ANKRD13C: variants seen among roughly 807,000 people sequenced by gnomAD.
ANKRD13C encodes the protein ankyrin repeat domain 13C.
Under a neutral mutation model 65.5 loss-of-function variants are expected in ANKRD13C, and 16 were observed. The observed-to-expected ratio is 0.24, with a 90% confidence interval of 0.17 to 0.37. The LOEUF (loss-of-function observed/expected upper bound fraction) is 0.37, where lower values mean the gene tolerates loss of function less well. Ranked by LOEUF, ANKRD13C falls within the 10% of genes least tolerant of loss-of-function variation. ANKRD13C has a pLI of 1.00. For synonymous variants in ANKRD13C, 235 were observed against 238.7 expected, an observed-to-expected ratio of 0.98 and a Z score of 0.14; for missense variants, 503 against 655.9, an observed-to-expected ratio of 0.77 and a Z score of 2.55.
intron 9 of ANKRD13C, among the ~76,000 whole-genome samples, chr1:70,288,384 G>C (rs1375070176): frequency 6.6e-6 from 1 of 152,094 alleles, no homozygotes; most frequent in African/African-American, 2.4e-5. Context: ...CTGCACTCTT[G>C]GGCATTTATC....
chr1:70,270,501 C>G (rs965187656), intron 12 of ANKRD13C, among the ~76,000 whole-genome samples: 2 of 152,210 alleles, frequency 1.3e-5, no homozygotes, highest in African/African-American at 4.8e-5. Context: ...AATTTTTCCA[C>G]AGACTGGTGG....
intron 1 of ANKRD13C, among the ~76,000 whole-genome samples, chr1:70,353,726 G>C (rs777317365): frequency 7.2e-5 from 11 of 152,176 alleles, no homozygotes; most frequent in Non-Finnish European, 1.5e-4. Context: ...CAAATCGAAG[G>C]CCTGTCTCAA....
rs191761681 is a variant in ANKRD13C, at chr1:70,328,753, G to A, written c.473-3796C>T. ...GTATTTCTATATAATAATAAGCATAGAGAAATGTATGTAAGAATATCCAGC... is the reference window on the plus strand; with the variant it reads ...GTATTTCTATATAATAATAAGCATAAAGAAATGTATGTAAGAATATCCAGC... On this transcript the variant is annotated intron_variant, in intron 2 of 12. Transcript: ENST00000370944. Among the ~76,000 whole-genome samples, 3 of 152,314 alleles carry A rather than the reference G, an allele frequency of 2.0e-5. No homozygotes were observed. The East Asian group carries it at 5.8e-4, about 29-fold the overall frequency.
At chr1:70,339,432 C>T (rs1225698609) in intron 1 of ANKRD13C, among the ~76,000 whole-genome samples, 3 of 150,724 alleles carry the variant, frequency 2.0e-5, no homozygotes, top group African/African-American at 7.3e-5. Context: ...AATTCTCGTG[C>T]CTCAGCCTCC....
At chr1:70,295,311 C>T (rs1410371443) in intron 8 of ANKRD13C, among the ~76,000 whole-genome samples, 6 of 151,448 alleles carry the variant, frequency 4.0e-5, no homozygotes, top group Non-Finnish European at 7.4e-5. Context: ...GCAGTGGTGC[C>T]ATCTCGGCTC....
rs770708322 is a variant in ANKRD13C at position 70,262,688 on chromosome 1, T to A, written c.*29A>T. On this transcript the variant is annotated 3_prime_UTR_variant, in exon 13 of 13. Coordinates refer to ENST00000370944, the MANE Select transcript of ANKRD13C (RefSeq NM_030816.5). ...CTAGGGTCTCTGTATTTTCTTTCCTTGGTTAGACGGCATCCTTTTCCACGT... is the reference window on the plus strand; with the variant it reads ...CTAGGGTCTCTGTATTTTCTTTCCTAGGTTAGACGGCATCCTTTTCCACGT... 43 of 1,601,158 alleles carry A rather than the reference T, an allele frequency of 2.7e-5. No homozygotes were observed. The East Asian group carries it at 9.6e-4, about 36-fold the overall frequency.
At chr1:70,297,215 T>C (rs953746916) in intron 7 of ANKRD13C, among the ~76,000 whole-genome samples, 9 of 152,002 alleles carry the variant, frequency 5.9e-5, no homozygotes, top group African/African-American at 2.2e-4. Context: ...AACCTCCTTA[T>C]TTCTAGGTTC....
intron 6 of ANKRD13C, chr1:70,305,660 G>A (rs564797523): frequency 3.9e-5 from 6 of 152,250 alleles, no homozygotes; most frequent in Non-Finnish European, 8.8e-5. Flanking sequence ...AAGTTAAATA[G>A]ATGTATTTTC....
At position 70,313,914 on chromosome 1, in the gene ANKRD13C, A is replaced by C. The variant is rs1680960965; in HGVS notation, c.664-124T>G. The C allele has an allele frequency of 1.2e-5, 7 of 601,954 alleles. No homozygotes were observed. The South Asian group carries it at 1.9e-4, about 16-fold the overall frequency. 37.3% of individuals were successfully genotyped at this position (601,954 alleles called of 1,614,324 possible). A position where few individuals can be genotyped will look rare whatever the true frequency, so the allele number is the denominator to read the frequency against. ...TTACTATACTTAATTACAAAGGAAA[A>C]TATGCACCTGTATATTTTATAATAT... On this transcript the variant is annotated intron_variant, in intron 4 of 12. Transcript: ENST00000370944.
At chr1:70,312,958 T>C (rs922839712) in intron 5 of ANKRD13C, among the ~76,000 whole-genome samples, 1 of 152,272 alleles carries the variant, frequency 6.6e-6, no homozygotes, top group Non-Finnish European at 1.5e-5. Context: ...CTGGAATCAA[T>C]GTTCAACCAA....
At chr1:70,274,302 C>T (rs1474159466) in intron 11 of ANKRD13C, among the ~76,000 whole-genome samples, 1 of 151,394 alleles carries the variant, frequency 6.6e-6, no homozygotes, top group Non-Finnish European at 1.5e-5. Context: ...GGCGAAACCT[C>T]ATCTCTACTA....
intron 1 of ANKRD13C, among the ~76,000 whole-genome samples, chr1:70,341,667 T>C (rs751338169): frequency 2.4e-4 from 37 of 152,128 alleles, no homozygotes; most frequent in Admixed American, 1.3e-3. Context: ...CAGCCCCTTT[T>C]TGTGTTTTCT....
At chr1:70,342,611 T>G (rs1420471014) in intron 1 of ANKRD13C, among the ~76,000 whole-genome samples, 1 of 152,078 alleles carries the variant, frequency 6.6e-6, no homozygotes, top group Non-Finnish European at 1.5e-5. Flanking sequence ...CCTTTTTGTA[T>G]CAATAGTGGA....
chr1:70,343,353 A>G (rs1251961857), intron 1 of ANKRD13C, among the ~76,000 whole-genome samples: 1 of 152,194 alleles, frequency 6.6e-6, no homozygotes, highest in East Asian at 1.9e-4. Flanking sequence ...TCAGTTTTCT[A>G]TGTCCTCAAC....
chr1:70,262,877 T>C (rs1400369540), intron 12 of ANKRD13C, 30 bp from the exon 13 acceptor site: 2 of 1,583,570 alleles, frequency 1.3e-6, no homozygotes, highest in Non-Finnish European at 1.7e-6. Context: ...GATAGCATTG[T>C]AAAATCAAAT....
At chr1:70,298,547 G>A (rs903761517) in intron 7 of ANKRD13C, among the ~76,000 whole-genome samples, 33 of 151,762 alleles carry the variant, frequency 2.2e-4, no homozygotes, top group African/African-American at 8.0e-4. Flanking sequence ...CTTAAAACTG[G>A]TACCCTTAAT....
chr1:70,327,883 G>A (rs530264213), intron 2 of ANKRD13C, among the ~76,000 whole-genome samples: 2 of 152,134 alleles, frequency 1.3e-5, no homozygotes, highest in African/African-American at 4.8e-5. Context: ...TGGCCAACAT[G>A]GTGAAACCTG....
chr1:70,260,437 G>A lies in ANKRD13C; in HGVS notation c.*2280C>T, dbSNP rs987019488. On this transcript the variant is annotated 3_prime_UTR_variant, in exon 13 of 13. Transcript: ENST00000370944. ...AAACAGTTTCAAAATCACAAATGGA[G>A]AAGAACATATAGAATTTTGTGTACC... Among the ~76,000 whole-genome samples, 2 of 152,118 alleles carry A rather than the reference G, an allele frequency of 1.3e-5. No homozygotes were observed. Among genetic ancestry groups the A allele is most frequent in the African/African-American group, 4.8e-5 (2 of 41,438 alleles).
At chr1:70,291,211 G>A (rs1413649756) in intron 9 of ANKRD13C, among the ~76,000 whole-genome samples, 1 of 151,872 alleles carries the variant, frequency 6.6e-6, no homozygotes, top group Non-Finnish European at 1.5e-5. Context: ...TGTAGAGGCG[G>A]GATTTCACCA....
Sources: gnomAD v4.1 joint callset for allele counts (sites outside exome capture counted in the v4.1 genomes callset) on GRCh38, gnomAD v4.1.1 for gene constraint, MANE v1.5 for transcripts, NCBI Gene and HGNC (gene_info 2026-07-23, HGNC 2026-07-21) for gene names.